Variants in CPT1A observed in about 807,000 individuals in gnomAD.
CPT1A encodes carnitine palmitoyltransferase 1A.
CPT1A carries 64 observed loss-of-function variants against 100.8 expected under a neutral mutation model. The observed-to-expected ratio is 0.63, with a 90% CI of 0.52 to 0.78. The LOEUF (loss-of-function observed/expected upper bound fraction) is 0.78, where lower values mean the gene tolerates loss of function less well. Among genes scored for constraint, CPT1A ranks in the 30% least tolerant of loss-of-function variants. The probability of loss-of-function intolerance (pLI) is 0.00; values close to 1 mark genes in which losing one functional copy is unlikely to be tolerated. For synonymous variants in CPT1A, 363 were observed against 396.0 expected (o/e 0.92, Z 0.99); for missense variants, 802 against 1,034.1 (o/e 0.78, Z 3.08).
intron 5 of CPT1A, among the ~76,000 whole-genome samples, chr11:68,802,424 T>A (rs1855927620): frequency 2.1e-5 from 1 of 46,746 alleles, no homozygotes; most frequent in Non-Finnish European, 4.3e-5. Context: ...TGAAACTCCG[T>A]CTCTGGAAAA....
chr11:68,838,580 A>AAAAAAAAAAAAAAAAAC (rs1857076726), intron 1 of CPT1A, among the ~76,000 whole-genome samples: 6 of 145,036 alleles, frequency 4.1e-5, no homozygotes, highest in African/African-American at 1.3e-4. Context: ...TTTAAAAAAA[A>AAAAAAAAAAAAAAAAAC]AAAAAAAAAA....
intron 1 of CPT1A, among the ~76,000 whole-genome samples, chr11:68,819,913 G>T (rs1386507878): frequency 1.3e-5 from 2 of 152,212 alleles, no homozygotes; most frequent in Non-Finnish European, 2.9e-5. Context: ...AATGTAATGA[G>T]CGCAAATCCC....
chr11:68,775,709 T>C (rs1375205018), intron 12 of CPT1A, among the ~76,000 whole-genome samples: 1 of 152,246 alleles, frequency 6.6e-6, no homozygotes, highest in Non-Finnish European at 1.5e-5. Context: ...ACGGTGTTTA[T>C]TGGGCACCTA....
chr11:68,807,359 C>G (rs1291765073), intron 4 of CPT1A, 108 bp downstream of exon 4: 1 of 1,178,130 alleles, frequency 8.5e-7, no homozygotes, highest in South Asian at 1.3e-5. Flanking sequence ...AGTCACCAAC[C>G]AAGCATAGAG....
chr11:68,836,329 T>C (rs1016511807), intron 1 of CPT1A, among the ~76,000 whole-genome samples: 2 of 150,378 alleles, frequency 1.3e-5, no homozygotes, highest in Non-Finnish European at 3.0e-5. Context: ...TATAAAAAAT[T>C]AGCTAGGTGT....
chr11:68,805,787 A>G (rs1340648082), intron 4 of CPT1A, among the ~76,000 whole-genome samples: 2 of 152,226 alleles, frequency 1.3e-5, no homozygotes, highest in Non-Finnish European at 2.9e-5. Flanking sequence ...ACAGGGGTGA[A>G]TAAAGCAGAT....
intron 1 of CPT1A, among the ~76,000 whole-genome samples, chr11:68,820,359 C>A (rs1856549968): frequency 6.6e-6 from 1 of 151,914 alleles, no homozygotes; most frequent in Non-Finnish European, 1.5e-5. Context: ...CTCAGTTATC[C>A]ATGGTCAACC....
chr11:68,821,809 G>A (rs780817368), intron 1 of CPT1A, among the ~76,000 whole-genome samples: 8 of 152,096 alleles, frequency 5.3e-5, no homozygotes, highest in Non-Finnish European at 7.4e-5. Context: ...GGTTCTGTCC[G>A]CAAATTCAGG....
intron 14 of CPT1A, among the ~76,000 whole-genome samples, chr11:68,769,165 T>C (rs1191746333): frequency 6.6e-6 from 1 of 152,164 alleles, no homozygotes; most frequent in African/African-American, 2.4e-5. Flanking sequence ...CCCCTACTGA[T>C]GTCAAATGCT....
chr11:68,781,816 A>G lies in CPT1A; in HGVS notation c.1307T>C (p.Met436Thr). The G allele has an allele frequency of 1.9e-6, 3 of 1,614,154 alleles. No homozygotes were observed. The highest frequency in any genetic ancestry group is 2.5e-6 in the Non-Finnish European group (3 of 1,180,026). ...GYRSEDPDTS[M>T]DSYAKSLLHG... ...TAGTAGAGATTTGGCGTAGCTGTCC[A>G]TTGACGTATCCGGGTCTTCACTTCT... Residue 436 changes from methionine (M) to threonine (T), a missense_variant, in exon 11 of 19, where the codon ATG becomes ACG. This residue lies in a region of CPT1A where 627 missense variants were observed against 799.3 expected (regional missense o/e 0.78). Coordinates refer to ENST00000265641, the MANE Select transcript of CPT1A (RefSeq NM_001876.4).
Position 68,757,479 on chromosome 11 carries a change from G to C in CPT1A, c.*165C>G. On this transcript the variant is annotated 3_prime_UTR_variant, in exon 19 of 19. Transcript: ENST00000265641. ...AGTAGTGGGGTTATGCTTCACAGGG[G>C]AGAGATACTGTTCTAGGAAAAAAAA... 1 of 1,498,260 alleles carries C rather than the reference G, an allele frequency of 6.7e-7. No individual in the cohort carries two copies. The highest frequency in any genetic ancestry group is 2.5e-5 in the East Asian group (1 of 40,264). The allele number at this position is 1,498,260 out of a possible 1,614,324, so 92.8% of individuals were successfully genotyped here.
Position 68,803,990 on chromosome 11 carries a change from C to CCA in CPT1A, c.555+8_555+9dup. The CCA allele has an allele frequency of 6.2e-7, 1 of 1,606,102 alleles. No homozygotes were observed. The highest frequency in any genetic ancestry group is 8.5e-7 in the Non-Finnish European group (1 of 1,172,690). ...CTGGCATTTCAGTGTGAGGCCTAAG[C>CCA]CACACCTACCCTGTTCACAGTGTCT... is the stretch of plus-strand genomic sequence containing the variant. On this transcript the variant is annotated intron_variant, in intron 5 of 18. Transcript: ENST00000265641.
intron 1 of CPT1A, among the ~76,000 whole-genome samples, chr11:68,827,459 G>A (rs1352727835): frequency 6.6e-6 from 1 of 152,128 alleles, no homozygotes; most frequent in Non-Finnish European, 1.5e-5. Flanking sequence ...TAACACCTGT[G>A]TACCCTCCTG....
intron 1 of CPT1A, among the ~76,000 whole-genome samples, chr11:68,832,953 G>T (rs1856916298): frequency 6.6e-6 from 1 of 152,242 alleles, no homozygotes; most frequent in African/African-American, 2.4e-5. Context: ...TGTAGGCAGG[G>T]TCAGAAGCAG....
At chr11:68,830,852 C>T (rs1193587920) in intron 1 of CPT1A, among the ~76,000 whole-genome samples, 1 of 152,246 alleles carries the variant, frequency 6.6e-6, no homozygotes, top group Non-Finnish European at 1.5e-5. Context: ...ATGTCACCTG[C>T]ACCAGCTGGC....
At chr11:68,773,560 C>G in intron 13 of CPT1A, 131 bp from the exon 14 acceptor site, 1 of 1,516,316 alleles carries the variant, frequency 6.6e-7, no homozygotes, top group East Asian at 2.5e-5. Context: ...AAACGTTTTC[C>G]TGACCCAGAA....
At chr11:68,764,901 C>G (rs1340594197) in intron 14 of CPT1A, among the ~76,000 whole-genome samples, 1 of 152,220 alleles carries the variant, frequency 6.6e-6, no homozygotes, top group African/African-American at 2.4e-5. Flanking sequence ...CCTGGCTGAG[C>G]CCCCAGGATC....
chr11:68,793,602 C>T (rs1027170283), intron 8 of CPT1A, among the ~76,000 whole-genome samples, 200 bp from the exon 9 acceptor site: 2 of 151,922 alleles, frequency 1.3e-5, no homozygotes, highest in South Asian at 2.1e-4. Context: ...AAAAATTAGC[C>T]GGGCATGGTG....
At chr11:68,796,538 A>G (rs1016850284) in intron 7 of CPT1A, among the ~76,000 whole-genome samples, 2 of 152,188 alleles carry the variant, frequency 1.3e-5, no homozygotes, top group East Asian at 1.9e-4. Context: ...CCTGGGGGAC[A>G]AGAGCAAAGC....
Sources: gnomAD v4.1 joint callset for allele counts (sites outside exome capture counted in the v4.1 genomes callset) on GRCh38, gnomAD v4.1.1 for gene constraint, gnomAD v4.1.1 regional missense constraint, MANE v1.5 for transcripts, NCBI Gene and HGNC (gene_info 2026-07-23, HGNC 2026-07-21) for gene names.